The following DLC1 variants were observed in gnomAD, a reference collection of about 807,000 sequenced individuals.
DLC1 encodes the protein DLC1 Rho GTPase activating protein.
DLC1 carries 54 observed loss-of-function variants against 140.3 expected under a neutral mutation model. The observed-to-expected ratio is 0.38, with a 90% CI of 0.31 to 0.48. The LOEUF is 0.48. Among genes scored for constraint, DLC1 ranks in the 20% least tolerant of loss-of-function variants. DLC1 has a pLI of 0.96. For missense variants in DLC1, 2,536 were observed against 1,907.0 expected, an observed-to-expected ratio of 1.33 and a Z score of -6.14; for synonymous variants, 986 against 728.1, an observed-to-expected ratio of 1.35 and a Z score of -5.70.
intron 5 of DLC1, among the ~76,000 whole-genome samples, chr8:13,248,322 C>A (rs1019670576): frequency 3.9e-5 from 6 of 152,244 alleles, no homozygotes; most frequent in East Asian, 1.9e-4. Context: ...CCTTAGCAAA[C>A]CTCTTTTCCT....
chr8:13,561,731 T>C (rs1241700667), intron 1 of DLC1, among the ~76,000 whole-genome samples: 1 of 152,210 alleles, frequency 6.6e-6, no homozygotes, highest in Non-Finnish European at 1.5e-5. Context: ...CTGCTTGAAT[T>C]TTTAAATTCA....
At chr8:13,227,852 A>G (rs1038376777) in intron 5 of DLC1, among the ~76,000 whole-genome samples, 3 of 152,200 alleles carry the variant, frequency 2.0e-5, no homozygotes, top group Non-Finnish European at 2.9e-5. Context: ...ATCAATTCCC[A>G]TAACTGGCTT....
Position 13,261,457 on chromosome 8 carries a change from T to A in DLC1, c.1348+43812A>T, listed in dbSNP as rs142934585. On this transcript the variant is annotated intron_variant, in intron 5 of 17. Coordinates refer to ENST00000276297, the MANE Select transcript of DLC1 (RefSeq NM_182643.3). ...GATTTTATTGTGTGAGGGAAAGATA[T>A]TGGAGGGTTTTGAGTTGAGGAGTGA... 1.9e-3 allele frequency among the ~76,000 whole-genome samples: 287 copies of A among 152,060 alleles called. 2 individuals are homozygous for A. The highest frequency in any genetic ancestry group is 6.7e-3 in the African/African-American group (278 of 41,484).
chr8:13,474,504 C>T (rs545428308), intron 2 of DLC1, among the ~76,000 whole-genome samples: 2 of 152,262 alleles, frequency 1.3e-5, no homozygotes, highest in South Asian at 2.1e-4. Flanking sequence ...AGAAAAGGGC[C>T]ACTGTCCTCC....
At chr8:13,562,377 A>T (rs145926516) in intron 1 of DLC1, among the ~76,000 whole-genome samples, 2 of 152,188 alleles carry the variant, frequency 1.3e-5, no homozygotes, top group Non-Finnish European at 2.9e-5. Flanking sequence ...TTGAAAAGAA[A>T]AAAACAAAAT....
intron 16 of DLC1, 127 bp from the exon 17 acceptor site, chr8:13,086,590 A>G (rs1817587702): frequency 9.7e-7 from 1 of 1,029,868 alleles, no homozygotes; most frequent in East Asian, 2.6e-5. Context: ...TGTGTGACCC[A>G]GGCCTAGGTA....
At chr8:13,274,126 G>C (rs1259445184) in intron 5 of DLC1, among the ~76,000 whole-genome samples, 2 of 152,136 alleles carry the variant, frequency 1.3e-5, no homozygotes, top group African/African-American at 2.4e-5. Flanking sequence ...ACTTTTTGTG[G>C]ATCATTAGCA....
intron 2 of DLC1, among the ~76,000 whole-genome samples, chr8:13,423,782 T>A (rs113388730): frequency 5.9e-5 from 9 of 152,176 alleles, no homozygotes; most frequent in African/African-American, 2.2e-4. Context: ...CCTGTCACCA[T>A]TAGTAATAAA....
At chr8:13,219,613 C>G (rs945402455) in intron 5 of DLC1, among the ~76,000 whole-genome samples, 4 of 151,584 alleles carry the variant, frequency 2.6e-5, no homozygotes, top group Non-Finnish European at 4.4e-5. Flanking sequence ...TTCAAAAAAG[C>G]CTTCACTAAT....
chr8:13,355,779 T>C (rs867965670), intron 4 of DLC1, among the ~76,000 whole-genome samples: 1 of 152,036 alleles, frequency 6.6e-6, no homozygotes, highest in Non-Finnish European at 1.5e-5. Flanking sequence ...GTTGTACTGA[T>C]TCATTTTCAA....
At chr8:13,354,299 A>G (rs1042778190) in intron 4 of DLC1, among the ~76,000 whole-genome samples, 1 of 152,058 alleles carries the variant, frequency 6.6e-6, no homozygotes, top group African/African-American at 2.4e-5. Flanking sequence ...GGCCTGTAAT[A>G]TACTTTATTG....
intron 2 of DLC1, among the ~76,000 whole-genome samples, chr8:13,469,998 C>T (rs1213899642): frequency 6.6e-6 from 1 of 152,126 alleles, no homozygotes; most frequent in Admixed American, 6.5e-5. Context: ...GGATTTCCCT[C>T]AATTTTTATT....
intron 4 of DLC1, among the ~76,000 whole-genome samples, chr8:13,359,360 C>T (rs957900230): frequency 5.3e-5 from 8 of 152,248 alleles, no homozygotes; most frequent in Non-Finnish European, 1.0e-4. Context: ...GGTAATGTTA[C>T]GCTCAGGTAA....
chr8:13,456,783 C>CT (rs1356887029), intron 2 of DLC1, among the ~76,000 whole-genome samples: 1 of 152,096 alleles, frequency 6.6e-6, no homozygotes, highest in Non-Finnish European at 1.5e-5. Flanking sequence ...TTTGCAGGGC[C>CT]TTTGGTTTGA....
chr8:13,122,898 A>T (rs1042945979), intron 5 of DLC1, among the ~76,000 whole-genome samples: 1 of 151,940 alleles, frequency 6.6e-6, no homozygotes, highest in Non-Finnish European at 1.5e-5. Flanking sequence ...ACTCAAATCT[A>T]CTGTTAGGTA....
Position 13,499,901 on chromosome 8 carries a change from C to T in DLC1, c.171G>A (p.Lys57=). The T allele has an allele frequency of 6.2e-7, 1 of 1,614,130 alleles. No homozygotes were observed. The highest frequency in any genetic ancestry group is 8.5e-7 in the Non-Finnish European group (1 of 1,180,014). Residue 57 remains lysine, a synonymous_variant, in exon 2 of 18, where the codon AAG becomes AAA. Transcript: ENST00000276297. The stretch of plus-strand genomic sequence containing the variant: ...GACAGCAGTCAGGTAGTGAAACACA[C>T]TTCTCTTTGCGGTCCACATTTAGAG... ...DATLNVDRKE[K]CVSLPDCCHG...
chr8:13,393,462 G>A (rs1005399036), intron 4 of DLC1, 91 bp downstream of exon 4: 24 of 1,351,148 alleles, frequency 1.8e-5, no homozygotes, highest in Middle Eastern at 2.3e-4. Context: ...GATTCCAACA[G>A]TATTTCTTCT....
chr8:13,343,056 A>T (rs915912901), intron 4 of DLC1, among the ~76,000 whole-genome samples: 1 of 152,136 alleles, frequency 6.6e-6, no homozygotes, highest in South Asian at 2.1e-4. Flanking sequence ...CCCTTTACTT[A>T]TTGAAAAGCA....
intron 5 of DLC1, among the ~76,000 whole-genome samples, chr8:13,140,123 G>A (rs763628399): frequency 3.3e-5 from 5 of 152,078 alleles, no homozygotes; most frequent in Non-Finnish European, 7.4e-5. Context: ...ACTATTTTAG[G>A]TATGTCCTAT....
Sources: gnomAD v4.1 joint callset for allele counts (sites outside exome capture counted in the v4.1 genomes callset) on GRCh38, gnomAD v4.1.1 for gene constraint, MANE v1.5 for transcripts, NCBI Gene and HGNC (gene_info 2026-07-23, HGNC 2026-07-21) for gene names.